GALNT13: variants seen among roughly 807,000 people sequenced by gnomAD.
GALNT13 encodes the protein polypeptide N-acetylgalactosaminyltransferase 13, also known as UDP-GalNAc:polypeptide N-acetylgalactosaminyltransferase 13.
GALNT13 carries 28 observed loss-of-function variants against 64.2 expected under a neutral mutation model. The ratio of observed to expected loss-of-function variants is 0.44; its 90% CI spans 0.32 to 0.60. The LOEUF (loss-of-function observed/expected upper bound fraction) is 0.60, where lower values mean the gene tolerates loss of function less well. GALNT13 is among the 20% of genes least tolerant of loss of function. The pLI is 0.05. For missense variants in GALNT13, 577 were observed against 669.8 expected, an observed-to-expected ratio of 0.86 and a Z score of 1.53; for synonymous variants, 214 against 224.6, an observed-to-expected ratio of 0.95 and a Z score of 0.42.
chr2:153,301,458 T>C, the GALNT13 span, among the ~76,000 whole-genome samples: 3 of 152,082 alleles, frequency 2.0e-5, no homozygotes, highest in African/African-American at 7.2e-5. Context: ...TGTGTACACA[T>C]TGGTTTGATA....
intron 6 of GALNT13, among the ~76,000 whole-genome samples, chr2:154,244,793 A>G (rs1689685838): frequency 6.6e-6 from 1 of 152,180 alleles, no homozygotes; most frequent in Admixed American, 6.5e-5. Flanking sequence ...ATAGAAAGCT[A>G]CCATTAAGAA....
the GALNT13 span, among the ~76,000 whole-genome samples, chr2:153,701,929 T>C: frequency 6.6e-6 from 1 of 152,190 alleles, no homozygotes; most frequent in South Asian, 2.1e-4. Flanking sequence ...TGGCTATTCC[T>C]CAAGGATCTA....
At chr2:153,842,258 T>A in the GALNT13 span, among the ~76,000 whole-genome samples, 1 of 152,132 alleles carries the variant, frequency 6.6e-6, no homozygotes, top group Non-Finnish European at 1.5e-5. Flanking sequence ...TTTTCAAAAT[T>A]ATTTGCCAAC....
the GALNT13 span, among the ~76,000 whole-genome samples, chr2:153,403,161 C>G: frequency 6.6e-6 from 1 of 151,132 alleles, no homozygotes; most frequent in African/African-American, 2.4e-5. Flanking sequence ...GGACCCTCAG[C>G]TGCAGGTCTG....
chr2:153,405,903 C>A, the GALNT13 span, among the ~76,000 whole-genome samples: 12 of 152,268 alleles, frequency 7.9e-5, no homozygotes, highest in East Asian at 2.3e-3. Context: ...TGCAGACTGG[C>A]AAGCAAAGAT....
At chr2:153,860,736 TTCTA>T in the GALNT13 span, among the ~76,000 whole-genome samples, 1 of 152,174 alleles carries the variant, frequency 6.6e-6, no homozygotes, top group African/African-American at 2.4e-5. Context: ...AGGCACTCCA[TTCTA>T]TCTATTAGGG....
At chr2:153,905,855 C>A (rs1013885571) in intron 2 of GALNT13, among the ~76,000 whole-genome samples, 11 of 151,838 alleles carry the variant, frequency 7.2e-5, no homozygotes, top group African/African-American at 2.7e-4. Context: ...ATAACGGTGA[C>A]TTGAATACAA....
At chr2:153,578,572 G>C in the GALNT13 span, among the ~76,000 whole-genome samples, 1 of 152,188 alleles carries the variant, frequency 6.6e-6, no homozygotes, top group Non-Finnish European at 1.5e-5. Context: ...GAAATAAAGA[G>C]CGTAAGATCT....
At chr2:154,225,468 A>C (rs552536075) in intron 4 of GALNT13, among the ~76,000 whole-genome samples, 21 of 152,152 alleles carry the variant, frequency 1.4e-4, no homozygotes, top group African/African-American at 3.9e-4. Flanking sequence ...ATATGAATTT[A>C]CCTTTCATTC....
At chr2:153,459,245 A>G in the GALNT13 span, among the ~76,000 whole-genome samples, 4 of 152,198 alleles carry the variant, frequency 2.6e-5, no homozygotes, top group Non-Finnish European at 4.4e-5. Context: ...AAAATTAAGG[A>G]TAGAAACATG....
At chr2:153,874,304 C>T (rs916534018) in intron 1 of GALNT13, among the ~76,000 whole-genome samples, 2 of 151,868 alleles carry the variant, frequency 1.3e-5, no homozygotes, top group African/African-American at 4.8e-5. Context: ...CCCCTATCCA[C>T]CTTCAATTCC....
At chr2:154,296,483 G>A (rs976205217) in intron 8 of GALNT13, among the ~76,000 whole-genome samples, 7 of 152,178 alleles carry the variant, frequency 4.6e-5, no homozygotes, top group African/African-American at 1.7e-4. Flanking sequence ...CCATAGGAAG[G>A]GAGGGAAAAG....
chr2:153,435,613 T>C, the GALNT13 span, among the ~76,000 whole-genome samples: 1 of 152,068 alleles, frequency 6.6e-6, no homozygotes, highest in Non-Finnish European at 1.5e-5. Context: ...ATTTCACTCA[T>C]GATTTGGCTC....
At chr2:154,411,672 G>C (rs937348006) in intron 11 of GALNT13, among the ~76,000 whole-genome samples, 7 of 151,550 alleles carry the variant, frequency 4.6e-5, no homozygotes, top group African/African-American at 1.2e-4. Flanking sequence ...ATTGTATCTG[G>C]CGAGTGGATA....
the GALNT13 span, among the ~76,000 whole-genome samples, chr2:153,394,013 TG>T: frequency 6.6e-6 from 1 of 151,212 alleles, no homozygotes; most frequent in Non-Finnish European, 1.5e-5. Context: ...TTTGTTCTTC[TG>T]GGGAACCTTG....
chr2:153,242,143 G>A, the GALNT13 span, among the ~76,000 whole-genome samples: 1 of 152,154 alleles, frequency 6.6e-6, no homozygotes, highest in African/African-American at 2.4e-5. Flanking sequence ...TCTGGGAAAA[G>A]CAATAGAAAC....
At chr2:153,077,454 C>G in the GALNT13 span, among the ~76,000 whole-genome samples, 5 of 151,540 alleles carry the variant, frequency 3.3e-5, no homozygotes, top group African/African-American at 1.2e-4. Context: ...GTGTCAGAGG[C>G]AAGTGTTCAT....
the GALNT13 span, among the ~76,000 whole-genome samples, chr2:153,658,556 A>G: frequency 6.6e-6 from 1 of 152,138 alleles, no homozygotes; most frequent in Admixed American, 6.6e-5. Context: ...CACACTGCAA[A>G]CATACAAGTA....
intron 9 of GALNT13, among the ~76,000 whole-genome samples, chr2:154,379,958 C>T (rs799786): frequency 0.32 from 48,456 of 151,702 alleles, 7,885 homozygotes; most frequent in South Asian, 0.38. Flanking sequence ...CTGAAAATTG[C>T]TTTCAAATTT....
Sources: gnomAD v4.1 joint callset for allele counts (sites outside exome capture counted in the v4.1 genomes callset) on GRCh38, gnomAD v4.1.1 for gene constraint, MANE v1.5 for transcripts, NCBI Gene and HGNC (gene_info 2026-07-23, HGNC 2026-07-21) for gene names.